EIF4G1: variants seen among roughly 807,000 people sequenced by gnomAD.
The protein encoded by EIF4G1 is EIF4-gamma.
Under a neutral mutation model 187.8 loss-of-function variants are expected in EIF4G1, and 4 were observed. The observed-to-expected ratio is 0.02, with a 90% CI of 0.01 to 0.05. The LOEUF (loss-of-function observed/expected upper bound fraction) is 0.05. Ranked by LOEUF, EIF4G1 falls within the 10% of genes least tolerant of loss-of-function variation. The pLI is 1.00. For missense variants in EIF4G1, 1,647 were observed against 2,081.1 expected, an observed-to-expected ratio of 0.79 and a Z score of 4.06; for synonymous variants, 844 against 781.4, an observed-to-expected ratio of 1.08 and a Z score of -1.34.
intron 28 of EIF4G1, 53 bp from the exon 29 acceptor site, chr3:184,331,213 G>A: frequency 6.3e-7 from 1 of 1,583,200 alleles, no homozygotes; most frequent in Admixed American, 1.7e-5. Context: ...AGAGCTGTTG[G>A]GTCCTTGGAG....
In EIF4G1 at chr3:184,330,634, G is replaced by A. The variant is rs575952544; in HGVS notation, c.4162-632G>A. Among the ~76,000 whole-genome samples the A allele has an allele frequency of 5.3e-4, 80 of 152,054 alleles. 1 individual carries two copies. Among genetic ancestry groups the A allele is most frequent in the Middle Eastern group, 3.4e-3 (1 of 294 alleles). Reference sequence around the variant, plus strand: ...GTGTCTTAAGATTTTCTGGGTTTAGGAAACAAGCATACTTGTTAGAAGTTG... The same window carrying A: ...GTGTCTTAAGATTTTCTGGGTTTAGAAAACAAGCATACTTGTTAGAAGTTG... On this transcript the variant is annotated intron_variant, in intron 28 of 32. Transcript: ENST00000346169.
In EIF4G1 at chr3:184,325,228, G is replaced by T; in HGVS notation, c.2857-41G>T. 6.2e-7 allele frequency: 1 copy of T among 1,611,124 alleles called. No individual in the cohort carries two copies. Among genetic ancestry groups the T allele is most frequent in the Non-Finnish European group, 8.5e-7 (1 of 1,177,300 alleles). On this transcript the variant is annotated intron_variant, in intron 18 of 32. Transcript: ENST00000346169. The surrounding 1 kb of genome is among the most constrained non-coding windows in gnomAD (Gnocchi z 5.2). The stretch of plus-strand genomic sequence containing the variant: ...GGGTGGGGCCTGCAGTTATAGGTGG[G>T]ACATGAGAAGTTCCTGGTCTGATGC...
rs748023589 is a variant in EIF4G1 at position 184,321,982 on chromosome 3, A to G, written c.1398A>G (p.Gly466=). The change falls in exon 10 of 33, where the codon GGA becomes GGG. Residue 466 remains glycine (G), a synonymous_variant. Coordinates refer to ENST00000346169, the MANE Select transcript of EIF4G1 (RefSeq NM_198241.3). ...AAGAAGAAGAAGAAGAGGAAGAAGG[A>G]GAAGCAGGAGAAGCAGGAGAAGCTG... ...EMEEEEEEEE[G]EAGEAGEAES... is the part of the protein sequence containing the mutation. 1 of 1,543,026 alleles carries G rather than the reference A, an allele frequency of 6.5e-7. No homozygotes were observed. The highest frequency in any genetic ancestry group is 1.7e-5 in the Admixed American group (1 of 59,012).
rs981309467 is a variant in EIF4G1, at chr3:184,319,800, C to T, written c.536C>T (p.Thr179Met). The T allele has an allele frequency of 3.1e-6, 5 of 1,590,540 alleles. No individual in the cohort carries two copies. The highest frequency in any genetic ancestry group is 4.3e-6 in the Non-Finnish European group (5 of 1,165,430). ...ATTGCTCCCAAGAGGGAGCGTAAGA[C>T]GGTGAGTAGCAGTGAGGGGCTCCGG... ...PQIAPKRERK[T>M]IRIRDPNQGG... The change falls in exon 7 of 33, where the codon ACG (threonine) becomes ATG (methionine). Residue 179 changes from threonine to methionine, a missense_variant and splice_region_variant. Coordinates refer to ENST00000346169, the MANE Select transcript of EIF4G1 (RefSeq NM_198241.3).
At chr3:184,330,008 AC>A (rs1224119753) in intron 28 of EIF4G1, among the ~76,000 whole-genome samples, 1 of 152,228 alleles carries the variant, frequency 6.6e-6, no homozygotes, top group Non-Finnish European at 1.5e-5. Context: ...TTGTTTTTTA[AC>A]AACAAATAAG....
At chr3:184,316,017 G>C in intron 3 of EIF4G1, 115 bp from the exon 4 acceptor site, 22 of 1,545,046 alleles carry the variant, frequency 1.4e-5, no homozygotes, top group Non-Finnish European at 1.8e-5. Context: ...CACGGGGAGG[G>C]GGTATGTGGA....
chr3:184,319,515 G>A, intron 6 of EIF4G1, 174 bp from the exon 7 acceptor site: 1 of 568,506 alleles, frequency 1.8e-6, no homozygotes, highest in Non-Finnish European at 3.4e-6. Context: ...GTTCAGACTG[G>A]TTCCCCAGCT....
chr3:184,327,606 C>T lies in EIF4G1; in HGVS notation c.3682C>T (p.Pro1228Ser), dbSNP rs765024418. 1.2e-6 allele frequency: 2 copies of T among 1,614,156 alleles called. No homozygotes were observed. The highest frequency in any genetic ancestry group is 8.5e-7 in the Non-Finnish European group (1 of 1,180,000). ...RDAVKREAALPPVSPLKAALS... is the reference protein window; with the variant it reads ...RDAVKREAALSPVSPLKAALS... ...CACAGTGAAGCGAGAAGCTGCCCTACCCCCAGTGAGCCCCCTGAAGGCGGC... is the reference window on the plus strand; with the variant it reads ...CACAGTGAAGCGAGAAGCTGCCCTATCCCCAGTGAGCCCCCTGAAGGCGGC... Residue 1228 changes from proline (P) to serine (S), a missense_variant, in exon 25 of 33, where the codon CCC becomes TCC. Physicochemically the swap from Pro to Ser is moderately conservative, Grantham distance 74. This residue lies in a region of EIF4G1 where 543 missense variants were observed against 638.0 expected (regional missense o/e 0.85). Coordinates refer to ENST00000346169, the MANE Select transcript of EIF4G1 (RefSeq NM_198241.3).
rs1281335244 is a variant in EIF4G1 at position 184,334,128 on chromosome 3, G to C, written c.4619-599G>C. On this transcript the variant is annotated intron_variant, in intron 32 of 32. Coordinates refer to ENST00000346169, the MANE Select transcript of EIF4G1 (RefSeq NM_198241.3). The surrounding 1 kb of genome is among the most constrained non-coding windows in gnomAD (Gnocchi z 5.8). ...GTTATAGGACACGTTGCTTGGGAAGGCTACCCAGCAGCTAGGGGTTGAGGA... is the reference window on the plus strand; with the variant it reads ...GTTATAGGACACGTTGCTTGGGAAGCCTACCCAGCAGCTAGGGGTTGAGGA... 6.6e-6 allele frequency among the ~76,000 whole-genome samples: 1 copy of C among 152,174 alleles called. No individual in the cohort carries two copies. Among genetic ancestry groups the C allele is most frequent in the East Asian group, 1.9e-4 (1 of 5,190 alleles).
intron 1 of EIF4G1, chr3:184,315,246 T>C: frequency 2.3e-6 from 1 of 431,064 alleles, no homozygotes; most frequent in Non-Finnish European, 4.7e-6. Context: ...TGGCCTACAC[T>C]CCTGGGCGGC....
chr3:184,321,888 C>T lies in EIF4G1; in HGVS notation c.1304C>T (p.Pro435Leu), dbSNP rs1244690813. Residue 435 changes from proline to leucine, a missense_variant, in exon 10 of 33, where the codon CCC (proline) becomes CTC (leucine). This residue lies in a region of EIF4G1 where 522 missense variants were observed against 485.2 expected (regional missense o/e 1.08). Transcript: ENST00000346169. ...AKEVTASMAP[P>L]TIPSATPATA... ...GAGGTGACAGCATCAATGGCGCCCC[C>T]CACCATCCCCTCTGCTACTCCAGCT... 6.2e-7 allele frequency: 1 copy of T among 1,614,158 alleles called. No individual in the cohort carries two copies. The highest frequency in any genetic ancestry group is 1.7e-5 in the Admixed American group (1 of 60,030).
chr3:184,323,372 C>A lies in EIF4G1; in HGVS notation c.2089-36C>A, dbSNP rs762494427. ...GTGTCACATATTGTGCTGACTAGTT[C>A]CATGTCCCCTCTTGTCTTCATCCCT... On this transcript the variant is annotated intron_variant, in intron 14 of 32. Transcript: ENST00000346169. The surrounding 1 kb of genome is among the most constrained non-coding windows in gnomAD (Gnocchi z 6.9). The A allele has an allele frequency of 5.6e-6, 9 of 1,613,592 alleles. No individual in the cohort carries two copies. The highest frequency in any genetic ancestry group is 3.3e-5 in the Admixed American group (2 of 59,980).
At chr3:184,326,779 C>T in intron 22 of EIF4G1, 102 bp from the exon 23 acceptor site, 1 of 1,527,162 alleles carries the variant, frequency 6.5e-7, no homozygotes, top group East Asian at 2.3e-5. Context: ...GATTGAACTG[C>T]TTTACTTTTG....
chr3:184,320,607 A>G (rs373563102), intron 7 of EIF4G1, 23 bp from the exon 8 acceptor site: 2 of 1,613,990 alleles, frequency 1.2e-6, no homozygotes, highest in African/African-American at 1.3e-5. Context: ...CTTCCCACTC[A>G]TCTTATAGCT....
chr3:184,328,532 C>T (rs1725413206), intron 26 of EIF4G1, 99 bp from the exon 27 acceptor site: 2 of 1,545,884 alleles, frequency 1.3e-6, no homozygotes, highest in East Asian at 2.2e-5. Flanking sequence ...GAAAATGTTC[C>T]TGGGGGTTCC....
rs375604272 is a variant in EIF4G1 at position 184,327,230 on chromosome 3, G to A, written c.3443G>A (p.Arg1148Gln). ...RRVVQRSSLS[R>Q]ERGEKAGDRG... ...CTGTCTTCCAGGAGTAGCTTGAGCCGAGAACGAGGCGAGAAAGCTGGAGAC... is the reference window on the plus strand; with the variant it reads ...CTGTCTTCCAGGAGTAGCTTGAGCCAAGAACGAGGCGAGAAAGCTGGAGAC... Residue 1148 changes from arginine (R) to glutamine (Q), a missense_variant, in exon 24 of 33, where the codon CGA becomes CAA. Physicochemically the swap from Arg to Gln is conservative, Grantham distance 43 (BLOSUM62 1). Transcript: ENST00000346169. The A allele has an allele frequency of 1.3e-4, 215 of 1,612,784 alleles. 4 individuals are homozygous for A. The South Asian group carries it at 2.1e-3, about 15-fold the overall frequency.
chr3:184,322,082 G>C lies in EIF4G1; in HGVS notation c.1498G>C (p.Glu500Gln). The C allele has an allele frequency of 6.2e-7, 1 of 1,613,988 alleles. No individual in the cohort carries two copies. Among genetic ancestry groups the C allele is most frequent in the Non-Finnish European group, 8.5e-7 (1 of 1,180,032 alleles). Reference protein sequence around the residue: ...PIPANLSQNLEAAAATQVAVS... With the variant: ...PIPANLSQNLQAAAATQVAVS... ...TCCAGCCAACTTGTCTCAGAATTTGGAGGCAGCAGCAGCCACTCAAGGTAA... is the reference window on the plus strand; with the variant it reads ...TCCAGCCAACTTGTCTCAGAATTTGCAGGCAGCAGCAGCCACTCAAGGTAA... The change falls in exon 10 of 33, where the codon GAG (glutamate) becomes CAG (glutamine). Residue 500 changes from glutamate (E) to glutamine (Q), a missense_variant. Coordinates refer to ENST00000346169, the MANE Select transcript of EIF4G1 (RefSeq NM_198241.3).
Position 184,326,542 on chromosome 3 carries a change from T to A in EIF4G1, c.3238T>A (p.Ser1080Thr). 1.2e-6 allele frequency: 2 copies of A among 1,613,850 alleles called. No individual in the cohort carries two copies. Among genetic ancestry groups the A allele is most frequent in the Non-Finnish European group, 8.5e-7 (1 of 1,180,018 alleles). ...TCTTCTTCAGCCTGGCTCCATCGAT[T>A]CTAACAACCAGCTCTTTGCACCTGG... The part of the protein sequence containing the change: ...TKITKPGSID[S>T]NNQLFAPGGR... The change falls in exon 22 of 33, where the codon TCT becomes ACT. Residue 1080 changes from serine (S) to threonine (T), a missense_variant. Around this residue, in one of 11 missense-constraint regions of EIF4G1, gnomAD observed 142 missense variants for 296.6 expected, o/e 0.48. Transcript: ENST00000346169.
chr3:184,327,778 G>A, intron 25 of EIF4G1, 52 bp from the exon 26 acceptor site: 4 of 1,613,978 alleles, frequency 2.5e-6, no homozygotes, highest in Middle Eastern at 1.7e-4. Context: ...GGGGTCCGGG[G>A]TCTGGGTCAG....
Sources: allele counts gnomAD v4.1 joint callset (sites outside exome capture counted in the v4.1 genomes callset), GRCh38; gene constraint gnomAD v4.1.1; regional missense constraint gnomAD v4.1.1; non-coding constraint Gnocchi (gnomAD v3.1); transcripts MANE v1.5; gene names NCBI Gene and HGNC (gene_info 2026-07-23, HGNC 2026-07-21).